The following TMEM150C variants were observed in gnomAD, a reference collection of about 807,000 sequenced individuals.
The protein encoded by TMEM150C is transmembrane protein 150C.
TMEM150C carries 10 observed loss-of-function variants against 29.9 expected under a neutral mutation model. That is an observed-to-expected ratio of 0.33 (90% confidence interval 0.21 to 0.57). The LOEUF is 0.57. Among genes scored for constraint, TMEM150C ranks in the 20% least tolerant of loss-of-function variants. The probability of loss-of-function intolerance (pLI) is 0.88; values close to 1 mark genes in which losing one functional copy is unlikely to be tolerated. For missense variants in TMEM150C, 251 were observed against 303.6 expected, an observed-to-expected ratio of 0.83 and a Z score of 1.29; for synonymous variants, 101 against 112.5, an observed-to-expected ratio of 0.90 and a Z score of 0.64.
intron 1 of TMEM150C, among the ~76,000 whole-genome samples, chr4:82,513,530 T>A (rs1020766738): frequency 3.3e-5 from 5 of 151,722 alleles, no homozygotes; most frequent in Non-Finnish European, 5.9e-5. Flanking sequence ...AATGTGTGAC[T>A]AAAATCTGGT....
intron 1 of TMEM150C, among the ~76,000 whole-genome samples, chr4:82,539,643 G>A (rs1262854986): frequency 1.3e-5 from 2 of 152,052 alleles, no homozygotes; most frequent in African/African-American, 4.8e-5. Context: ...TAGTAGAGAT[G>A]GTGTTTCACC....
At chr4:82,503,544 T>C (rs1723801288) in intron 2 of TMEM150C, among the ~76,000 whole-genome samples, 1 of 152,198 alleles carries the variant, frequency 6.6e-6, no homozygotes, top group African/African-American at 2.4e-5. Context: ...TCCAATGTAA[T>C]GATATTCATT....
chr4:82,542,212 G>T (rs1324067096), intron 1 of TMEM150C, among the ~76,000 whole-genome samples: 3 of 152,162 alleles, frequency 2.0e-5, no homozygotes, highest in Non-Finnish European at 1.5e-5. Context: ...AAAAGGTAAG[G>T]TTTATGGAAT....
intron 1 of TMEM150C, among the ~76,000 whole-genome samples, chr4:82,559,719 C>G (rs1203304593): frequency 6.6e-6 from 1 of 152,136 alleles, no homozygotes; most frequent in East Asian, 1.9e-4. Context: ...CTAATCACAC[C>G]GTAGTGCTGA....
chr4:82,557,904 T>C (rs1471847956), intron 1 of TMEM150C, among the ~76,000 whole-genome samples: 1 of 151,950 alleles, frequency 6.6e-6, no homozygotes, highest in Non-Finnish European at 1.5e-5. Context: ...AATTTTTTTT[T>C]GTATTTTTAG....
chr4:82,500,963 C>T (rs186981563), intron 5 of TMEM150C, among the ~76,000 whole-genome samples: 64 of 152,320 alleles, frequency 4.2e-4, no homozygotes, highest in African/African-American at 1.5e-3. Flanking sequence ...GGCTATTAAT[C>T]GTTGTTGCCC....
intron 1 of TMEM150C, among the ~76,000 whole-genome samples, chr4:82,507,908 G>A (rs1723991999): frequency 6.6e-6 from 1 of 151,284 alleles, no homozygotes; most frequent in African/African-American, 2.4e-5. Flanking sequence ...CACCACACCT[G>A]GCTAATTTTT....
chr4:82,559,810 T>C (rs150874013), intron 1 of TMEM150C, among the ~76,000 whole-genome samples: 1 of 152,340 alleles, frequency 6.6e-6, no homozygotes, highest in East Asian at 1.9e-4. Flanking sequence ...TCTTGCTTAA[T>C]TGGTTACTGA....
At chr4:82,554,544 GC>G (rs1725678162) in intron 1 of TMEM150C, among the ~76,000 whole-genome samples, 2 of 152,000 alleles carry the variant, frequency 1.3e-5, no homozygotes, top group African/African-American at 4.8e-5. Context: ...TCTAATTATT[GC>G]CATTTAAATA....
intron 6 of TMEM150C, among the ~76,000 whole-genome samples, chr4:82,494,359 C>T (rs1052336993): frequency 6.6e-5 from 10 of 152,098 alleles, no homozygotes; most frequent in African/African-American, 2.2e-4. Context: ...AGGTTGTGAC[C>T]TTGGGCTTCT....
intron 1 of TMEM150C, among the ~76,000 whole-genome samples, chr4:82,547,494 C>A (rs1725425728): frequency 6.6e-6 from 1 of 151,898 alleles, no homozygotes; most frequent in Non-Finnish European, 1.5e-5. Context: ...GAGACTGGGG[C>A]AGGAGAATAG....
intron 1 of TMEM150C, among the ~76,000 whole-genome samples, chr4:82,555,749 C>G (rs1725715595): frequency 6.6e-6 from 1 of 152,208 alleles, no homozygotes; most frequent in Non-Finnish European, 1.5e-5. Flanking sequence ...TCACTACTTA[C>G]TGGGATGTAG....
chr4:82,491,547 G>T, intron 6 of TMEM150C: 1 of 669,192 alleles, frequency 1.5e-6, no homozygotes, highest in Non-Finnish European at 2.7e-6. Context: ...CTCAAACCAG[G>T]GATTCACCAC....
rs869112887 is a variant in TMEM150C, at chr4:82,507,727, C to CTTTTTTTTTTTT, written c.-10-3072_-10-3061dup. Among the ~76,000 whole-genome samples the CTTTTTTTTTTTT allele has an allele frequency of 5.8e-3, 120 of 20,556 alleles. 29 individuals carry two copies. Among genetic ancestry groups the CTTTTTTTTTTTT allele is most frequent in the Non-Finnish European group, 7.1e-3 (95 of 13,472 alleles). 13.5% of individuals were successfully genotyped at this position (20,556 alleles called of 152,430 possible). ...TTAAATTAACTCTCTCTCTCTCTCTCTTTTTTTTTTTTTTTTTTTTTTTTT... is the reference window on the plus strand; with the variant it reads ...TTAAATTAACTCTCTCTCTCTCTCTCTTTTTTTTTTTTTTTTTTTTTTTTTTTTTTTTTTTTT... On this transcript the variant is annotated intron_variant, in intron 1 of 7. Coordinates refer to ENST00000449862, the MANE Select transcript of TMEM150C (RefSeq NM_001080506.3).
chr4:82,514,747 T>A (rs1724236811), intron 1 of TMEM150C, among the ~76,000 whole-genome samples: 2 of 152,238 alleles, frequency 1.3e-5, no homozygotes, highest in African/African-American at 4.8e-5. Context: ...TTCTTGCCAA[T>A]GGAATGTAAG....
chr4:82,486,489 G>A (rs1443984332), intron 7 of TMEM150C, among the ~76,000 whole-genome samples: 1 of 151,976 alleles, frequency 6.6e-6, no homozygotes, highest in African/African-American at 2.4e-5. Context: ...GCTACTAACC[G>A]TGTCTGAGTG....
At chr4:82,515,115 A>C (rs1028091989) in intron 1 of TMEM150C, among the ~76,000 whole-genome samples, 4 of 152,038 alleles carry the variant, frequency 2.6e-5, no homozygotes, top group Admixed American at 6.5e-5. Flanking sequence ...TAACAGAACG[A>C]TTCTGAGGTG....
rs563396158 is a variant in TMEM150C, at chr4:82,533,803, T to C, written c.-11+28103A>G. Among the ~76,000 whole-genome samples, 4 of 152,318 alleles carry C rather than the reference T, an allele frequency of 2.6e-5. No individual in the cohort carries two copies. In the South Asian group the frequency reaches 8.3e-4, roughly 32 times the overall value. On this transcript the variant is annotated intron_variant, in intron 1 of 7. Coordinates refer to ENST00000449862, the MANE Select transcript of TMEM150C (RefSeq NM_001080506.3). ...AAAGCATCAGCCTCTCAATAAAATA[T>C]AAAGCCGCAGAAATGTTATCCGCAC...
intron 3 of TMEM150C, 44 bp from the exon 4 acceptor site, chr4:82,502,971 C>T (rs1316750532): frequency 2.5e-6 from 4 of 1,593,740 alleles, no homozygotes; most frequent in Non-Finnish European, 1.7e-6. Context: ...GGTTAAAGCA[C>T]TGTCATTTGT....
Sources: gnomAD v4.1 joint callset for allele counts (sites outside exome capture counted in the v4.1 genomes callset) on GRCh38, gnomAD v4.1.1 for gene constraint, MANE v1.5 for transcripts, NCBI Gene and HGNC (gene_info 2026-07-23, HGNC 2026-07-21) for gene names.